Variants in ATXN1 observed in about 807,000 individuals in gnomAD.
ATXN1 encodes ataxin-1.
ATXN1 carries 8 observed loss-of-function variants against 56.4 expected under a neutral mutation model. That is an observed-to-expected ratio of 0.14 (90% CI 0.08 to 0.26). The LOEUF (loss-of-function observed/expected upper bound fraction) is 0.26, where lower values mean the gene tolerates loss of function less well. Ranked by LOEUF, ATXN1 falls within the 10% of genes least tolerant of loss-of-function variation. The pLI is 1.00. For synonymous variants in ATXN1, 514 were observed against 494.6 expected (o/e 1.04, Z -0.52); for missense variants, 987 against 1,106.5 (o/e 0.89, Z 1.53).
chr6:16,399,736 GA>G (rs1758530045), intron 6 of ATXN1, among the ~76,000 whole-genome samples: 1 of 152,122 alleles, frequency 6.6e-6, no homozygotes, highest in Non-Finnish European at 1.5e-5. Context: ...TAGAGGCCAG[GA>G]ATGCTGCTAA....
At chr6:16,761,251 G>A (rs992125514) in intron 1 of ATXN1, 47 bp downstream of exon 1, 1 of 431,698 alleles carries the variant, frequency 2.3e-6, no homozygotes, top group Non-Finnish European at 4.7e-6. Context: ...GAAGGGAATG[G>A]GGGAGGGGGG....
chr6:16,375,649 C>T (rs941776529), intron 6 of ATXN1, among the ~76,000 whole-genome samples: 1 of 152,188 alleles, frequency 6.6e-6, no homozygotes, highest in Non-Finnish European at 1.5e-5. Flanking sequence ...TTCCATCAGA[C>T]CACAATGCTT....
intron 3 of ATXN1, among the ~76,000 whole-genome samples, chr6:16,626,541 C>G (rs1055823293): frequency 1.3e-5 from 2 of 152,140 alleles, no homozygotes; most frequent in African/African-American, 4.8e-5. Context: ...ATGTGCCCAC[C>G]CACCTCGGCC....
intron 2 of ATXN1, among the ~76,000 whole-genome samples, chr6:16,722,745 C>T (rs1161871591): frequency 6.6e-6 from 1 of 152,140 alleles, no homozygotes; most frequent in Non-Finnish European, 1.5e-5. Context: ...TTAATATTTC[C>T]TGTAATAAAA....
chr6:16,483,127 TCCCC>T (rs1176192634), intron 6 of ATXN1, among the ~76,000 whole-genome samples: 2 of 151,732 alleles, frequency 1.3e-5, no homozygotes, highest in African/African-American at 2.4e-5. Context: ...TTGTACAAGA[TCCCC>T]CCTCCCCCCA....
chr6:16,576,874 T>A (rs561918333), intron 4 of ATXN1, among the ~76,000 whole-genome samples: 31 of 152,192 alleles, frequency 2.0e-4, no homozygotes, highest in Admixed American at 2.0e-3. Context: ...TAAAGGCCAG[T>A]TGACTTCCTT....
At chr6:16,417,125 G>A (rs1758926608) in intron 6 of ATXN1, among the ~76,000 whole-genome samples, 1 of 152,144 alleles carries the variant, frequency 6.6e-6, no homozygotes, top group Admixed American at 6.5e-5. Flanking sequence ...TTGAACTGCT[G>A]GGCTCAAGTG....
chr6:16,430,726 CGTGT>C (rs151260593), intron 6 of ATXN1, among the ~76,000 whole-genome samples: 52 of 150,120 alleles, frequency 3.5e-4, no homozygotes, highest in African/African-American at 1.0e-3. Flanking sequence ...TGTGTGTGCG[CGTGT>C]GTGTGTGTGT....
intron 3 of ATXN1, among the ~76,000 whole-genome samples, chr6:16,639,603 T>C (rs1763668722): frequency 6.7e-6 from 1 of 150,164 alleles, no homozygotes. Flanking sequence ...CCTGAGCCAT[T>C]GCGCCCGGCC....
chr6:16,575,016 G>A (rs1287522969), intron 4 of ATXN1, among the ~76,000 whole-genome samples: 1 of 151,932 alleles, frequency 6.6e-6, no homozygotes, highest in Non-Finnish European at 1.5e-5. Flanking sequence ...TGATTAGAGT[G>A]AGATTATGCC....
At chr6:16,319,487 T>C (rs528832610) in intron 7 of ATXN1, among the ~76,000 whole-genome samples, 1 of 152,226 alleles carries the variant, frequency 6.6e-6, no homozygotes, top group South Asian at 2.1e-4. Flanking sequence ...ATTTTTAGGG[T>C]GGTACAGCTG....
chr6:16,694,067 T>C (rs758831861), intron 2 of ATXN1, among the ~76,000 whole-genome samples: 2 of 152,178 alleles, frequency 1.3e-5, no homozygotes, highest in Non-Finnish European at 2.9e-5. Context: ...ATGTTTCAAA[T>C]AGACTTTTGT....
intron 7 of ATXN1, among the ~76,000 whole-genome samples, chr6:16,317,356 AC>A (rs996381327): frequency 3.3e-5 from 5 of 151,040 alleles, no homozygotes; most frequent in African/African-American, 1.2e-4. Context: ...ACAGAGTCTC[AC>A]TCTGTCGCCA....
chr6:16,633,969 C>T (rs1242325822), intron 3 of ATXN1, among the ~76,000 whole-genome samples: 2 of 152,200 alleles, frequency 1.3e-5, no homozygotes, highest in African/African-American at 4.8e-5. Flanking sequence ...CGCACTACAG[C>T]TAACAATATA....
chr6:16,638,155 A>G (rs2113817517), intron 3 of ATXN1, among the ~76,000 whole-genome samples: 1 of 152,208 alleles, frequency 6.6e-6, no homozygotes, highest in African/African-American at 2.4e-5. Context: ...TTAAGAAAAG[A>G]TCTCAAAGGC....
rs533463522 is a variant in ATXN1, at chr6:16,436,507, A to T, written c.-161+49465T>A. Among the ~76,000 whole-genome samples the T allele has an allele frequency of 1.1e-4, 16 of 152,324 alleles. No individual in the cohort carries two copies. In the South Asian group the frequency reaches 1.2e-3, roughly 12 times the overall value. ...GACCATTTTTTCAAGCTTGTCAGTC[A>T]AAAAAGACCTCACAGAGACAGTAAC... On this transcript the variant is annotated intron_variant, in intron 6 of 7. Transcript: ENST00000436367.
At chr6:16,540,281 G>T (rs777920790) in intron 4 of ATXN1, among the ~76,000 whole-genome samples, 10 of 152,060 alleles carry the variant, frequency 6.6e-5, no homozygotes, top group Non-Finnish European at 1.2e-4. Flanking sequence ...GCATGATCTC[G>T]GCTCAATGCA....
intron 4 of ATXN1, among the ~76,000 whole-genome samples, chr6:16,548,491 CTT>C (rs1761855579): frequency 6.6e-6 from 1 of 152,186 alleles, no homozygotes; most frequent in Non-Finnish European, 1.5e-5. Flanking sequence ...TTATTTAAAA[CTT>C]TTCGACTCTT....
intron 6 of ATXN1, among the ~76,000 whole-genome samples, chr6:16,348,505 C>G (rs1251093247): frequency 6.6e-6 from 1 of 152,002 alleles, no homozygotes; most frequent in African/African-American, 2.4e-5. Context: ...TCGAGACCAG[C>G]CTGGTCAATG....
Sources: allele counts gnomAD v4.1 joint callset (sites outside exome capture counted in the v4.1 genomes callset), GRCh38; gene constraint gnomAD v4.1.1; transcripts MANE v1.5; gene names NCBI Gene and HGNC (gene_info 2026-07-23, HGNC 2026-07-21).